Variants in DDX10 observed in about 807,000 individuals in gnomAD.
The protein encoded by DDX10 is probable ATP-dependent RNA helicase DDX10.
In DDX10, 74 loss-of-function variants were observed where a neutral mutation model predicts 104.3. That is an observed-to-expected ratio of 0.71 (90% CI 0.59 to 0.86). The LOEUF is 0.86. Ranked by LOEUF, DDX10 falls within the 40% of genes least tolerant of loss-of-function variation. The pLI, the probability that DDX10 is intolerant of heterozygous loss-of-function variation, is 0.00. For synonymous variants in DDX10, 351 were observed against 353.4 expected, an observed-to-expected ratio of 0.99 and a Z score of 0.08; for missense variants, 952 against 1,040.0, an observed-to-expected ratio of 0.92 and a Z score of 1.16.
intron 13 of DDX10, among the ~76,000 whole-genome samples, chr11:108,821,657 AAG>A (rs1402837228): frequency 6.6e-6 from 1 of 152,204 alleles, no homozygotes; most frequent in East Asian, 1.9e-4. Flanking sequence ...CTACTTTTGA[AAG>A]AGAAGAAATT....
At chr11:108,692,688 A>T (rs572105751) in intron 8 of DDX10, among the ~76,000 whole-genome samples, 9 of 152,268 alleles carry the variant, frequency 5.9e-5, no homozygotes, top group African/African-American at 2.2e-4. Context: ...CAGCTTTAAC[A>T]ATTATCTTTT....
intron 9 of DDX10, among the ~76,000 whole-genome samples, chr11:108,701,287 A>G (rs1291288525): frequency 6.6e-6 from 1 of 152,134 alleles, no homozygotes; most frequent in African/African-American, 2.4e-5. Flanking sequence ...CACCTGCATA[A>G]CAGACTGCAC....
At chr11:108,710,561 A>G (rs926530307) in intron 10 of DDX10, among the ~76,000 whole-genome samples, 4 of 152,068 alleles carry the variant, frequency 2.6e-5, no homozygotes, top group Admixed American at 2.0e-4. Context: ...AGTAACATGC[A>G]TGGAGCTGTC....
chr11:108,937,309 T>C (rs1864048853), intron 17 of DDX10, among the ~76,000 whole-genome samples: 1 of 152,130 alleles, frequency 6.6e-6, no homozygotes, highest in Admixed American at 6.5e-5. Context: ...TATTCTGGGG[T>C]GATGGTGTAA....
At chr11:108,822,906 T>C (rs188701371) in intron 13 of DDX10, among the ~76,000 whole-genome samples, 1 of 152,224 alleles carries the variant, frequency 6.6e-6, no homozygotes, top group African/African-American at 2.4e-5. Flanking sequence ...GCTTCTCGGC[T>C]ATTTGGCTAA....
chr11:108,709,783 C>T lies in DDX10; in HGVS notation c.1322+2946C>T, dbSNP rs187714038. ...TTCCTGTTTTCAATTTCAGTCATTT[C>T]TACTCTAGTTCTTATTTATTCTGCT... On this transcript the variant is annotated intron_variant, in intron 10 of 17. Transcript: ENST00000322536. Among the ~76,000 whole-genome samples the T allele has an allele frequency of 3.8e-4, 57 of 151,792 alleles. 1 individual carries two copies. The highest frequency in any genetic ancestry group is 1.4e-3 in the African/African-American group (56 of 41,406).
intron 16 of DDX10, among the ~76,000 whole-genome samples, chr11:108,879,147 G>A (rs1863192946): frequency 2.0e-5 from 3 of 152,004 alleles, no homozygotes; most frequent in African/African-American, 7.3e-5. Flanking sequence ...GACTACAGGT[G>A]CACGCCACCA....
chr11:108,798,554 G>T (rs906275361), intron 13 of DDX10, among the ~76,000 whole-genome samples: 1 of 152,162 alleles, frequency 6.6e-6, no homozygotes, highest in East Asian at 1.9e-4. Flanking sequence ...TACAGTATTT[G>T]TCTTTTTGTG....
At chr11:108,678,180 G>T in intron 4 of DDX10, 135 bp from the exon 5 acceptor site, 1 of 867,104 alleles carries the variant, frequency 1.2e-6, no homozygotes, top group Non-Finnish European at 1.6e-6. Context: ...GAAATACAAG[G>T]GAAAAGTTAT....
At chr11:108,829,579 C>G (rs948967454) in intron 13 of DDX10, among the ~76,000 whole-genome samples, 1 of 152,172 alleles carries the variant, frequency 6.6e-6, no homozygotes. Flanking sequence ...TGTGCAGAAG[C>G]TTTTTAGCTT....
In DDX10 at chr11:108,880,258, C is replaced by T. The variant is rs997160535; in HGVS notation, c.2304+28049C>T. On this transcript the variant is annotated intron_variant, in intron 16 of 17. Transcript: ENST00000322536. ...GTGGGGGGTGTAGAATGATACTGAT[C>T]TGGTGTGTCTTCCTCTTCTTCTAAG... Among the ~76,000 whole-genome samples the T allele has an allele frequency of 3.3e-5, 5 of 152,158 alleles. No individual in the cohort carries two copies. The East Asian group carries it at 9.6e-4, about 29-fold the overall frequency.
At chr11:108,819,521 G>A (rs990879369) in intron 13 of DDX10, among the ~76,000 whole-genome samples, 1 of 152,136 alleles carries the variant, frequency 6.6e-6, no homozygotes, top group Non-Finnish European at 1.5e-5. Context: ...AACAGGAATA[G>A]GTGTCCCAGT....
At chr11:108,696,323 C>A (rs907333725) in intron 9 of DDX10, among the ~76,000 whole-genome samples, 1 of 152,030 alleles carries the variant, frequency 6.6e-6, no homozygotes, top group Non-Finnish European at 1.5e-5. Flanking sequence ...ACTATAGGCG[C>A]GTGCCACCAC....
At chr11:108,881,522 A>G (rs963589411) in intron 16 of DDX10, among the ~76,000 whole-genome samples, 5 of 152,126 alleles carry the variant, frequency 3.3e-5, no homozygotes, top group Non-Finnish European at 5.9e-5. Context: ...GAATTTTCTG[A>G]CTTTATGATG....
At chr11:108,938,400 A>T (rs1330296947) in intron 17 of DDX10, among the ~76,000 whole-genome samples, 1 of 152,224 alleles carries the variant, frequency 6.6e-6, no homozygotes, top group Non-Finnish European at 1.5e-5. Context: ...ACATTAACAG[A>T]GGATGCAATA....
chr11:108,852,447 T>C (rs770765503), intron 16 of DDX10, among the ~76,000 whole-genome samples: 2 of 152,230 alleles, frequency 1.3e-5, no homozygotes, highest in Non-Finnish European at 2.9e-5. Flanking sequence ...ATCCCTAAGA[T>C]AATTTGTTAC....
At chr11:108,795,276 A>C (rs1861924907) in intron 13 of DDX10, among the ~76,000 whole-genome samples, 1 of 144,208 alleles carries the variant, frequency 6.9e-6, no homozygotes, top group African/African-American at 2.8e-5. Flanking sequence ...TGGGCCTGGA[A>C]ATTTTTTTTT....
intron 13 of DDX10, among the ~76,000 whole-genome samples, chr11:108,788,689 A>G (rs1861829516): frequency 2.0e-5 from 3 of 152,104 alleles, no homozygotes; most frequent in Admixed American, 2.0e-4. Context: ...AAAAGTTTTC[A>G]CTGGTGTTGT....
intron 11 of DDX10, among the ~76,000 whole-genome samples, chr11:108,718,394 T>C (rs2094294155): frequency 1.3e-5 from 2 of 152,224 alleles, no homozygotes; most frequent in Admixed American, 1.3e-4. Flanking sequence ...TTCATTTTTC[T>C]TAAAAATGAA....
Sources: allele counts gnomAD v4.1 joint callset (sites outside exome capture counted in the v4.1 genomes callset), GRCh38; gene constraint gnomAD v4.1.1; transcripts MANE v1.5; gene names NCBI Gene and HGNC (gene_info 2026-07-23, HGNC 2026-07-21).